Variants in ATG4C observed in about 807,000 individuals in gnomAD.
ATG4C encodes cysteine protease ATG4C.
In ATG4C, 56 loss-of-function variants were observed where a neutral mutation model predicts 57.6. The observed-to-expected ratio is 0.97, with a 90% CI of 0.78 to 1.21. The LOEUF (loss-of-function observed/expected upper bound fraction) is 1.21, where lower values mean the gene tolerates loss of function less well. Among genes scored for constraint, ATG4C ranks in the 50% most tolerant of loss-of-function variants. ATG4C has a pLI of 0.00. For missense variants in ATG4C, 595 were observed against 529.8 expected (o/e 1.12, Z -1.21); for synonymous variants, 157 against 174.1 (o/e 0.90, Z 0.78).
chr1:62,840,853 C>A (rs1176958258), intron 9 of ATG4C, among the ~76,000 whole-genome samples: 9 of 152,118 alleles, frequency 5.9e-5, no homozygotes, highest in African/African-American at 2.2e-4. Context: ...AGCCTGTTCC[C>A]TGAGAAGAAA....
chr1:62,839,097 C>T lies in ATG4C; in HGVS notation c.1090-2331C>T, dbSNP rs544320322. 5.3e-5 allele frequency among the ~76,000 whole-genome samples: 8 copies of T among 152,254 alleles called. No homozygotes were observed. The South Asian group carries it at 1.7e-3, about 32-fold the overall frequency. ...TTCTAGAGATGGAGTTTTGTTCTGT[C>T]ACCCAGGCTGGAGTGCAGTGGCACC... On this transcript the variant is annotated intron_variant, in intron 9 of 10. Coordinates refer to ENST00000317868, the MANE Select transcript of ATG4C (RefSeq NM_032852.4).
intron 10 of ATG4C, among the ~76,000 whole-genome samples, chr1:62,843,815 T>C (rs1421515648): frequency 6.6e-6 from 1 of 152,186 alleles, no homozygotes; most frequent in East Asian, 1.9e-4. Flanking sequence ...CAAGTAACGT[T>C]TATACTTCAG....
At chr1:62,824,182 T>A (rs896263787) in intron 6 of ATG4C, among the ~76,000 whole-genome samples, 4 of 152,138 alleles carry the variant, frequency 2.6e-5, no homozygotes, top group Non-Finnish European at 4.4e-5. Flanking sequence ...GGCTAGACAG[T>A]GTTTGAAGTC....
At chr1:62,807,039 T>C (rs1664904005) in intron 3 of ATG4C, among the ~76,000 whole-genome samples, 1 of 152,202 alleles carries the variant, frequency 6.6e-6, no homozygotes, top group Non-Finnish European at 1.5e-5. Context: ...AGCAATGAAA[T>C]GAAAAATTTC....
chr1:62,829,598 A>G (rs1453298566), intron 7 of ATG4C, among the ~76,000 whole-genome samples: 1 of 152,146 alleles, frequency 6.6e-6, no homozygotes, highest in Non-Finnish European at 1.5e-5. Flanking sequence ...CATGATGTCA[A>G]TAAGAGATGA....
chr1:62,797,678 G>A (rs976204984), intron 1 of ATG4C, among the ~76,000 whole-genome samples: 1 of 151,764 alleles, frequency 6.6e-6, no homozygotes, highest in Non-Finnish European at 1.5e-5. Context: ...TATGTAATTG[G>A]TAATTGGTAT....
chr1:62,850,856 A>ATATATATATGTGTGTATGTG (rs1666491339), intron 10 of ATG4C, among the ~76,000 whole-genome samples: 1 of 41,192 alleles, frequency 2.4e-5, no homozygotes, highest in Non-Finnish European at 4.5e-5. Flanking sequence ...GTATGTATGT[A>ATATATATATGTGTGTATGTG]TATATATATA....
chr1:62,812,454 T>C (rs889953322), intron 3 of ATG4C, among the ~76,000 whole-genome samples: 2 of 152,102 alleles, frequency 1.3e-5, no homozygotes, highest in Non-Finnish European at 2.9e-5. Flanking sequence ...ATAAACTAGG[T>C]ATTGATGGAA....
chr1:62,837,340 G>A (rs1175127694), intron 9 of ATG4C, among the ~76,000 whole-genome samples: 7 of 152,110 alleles, frequency 4.6e-5, no homozygotes, highest in African/African-American at 1.7e-4. Context: ...GATATCTTTG[G>A]TTAGGACTGA....
Position 62,857,795 on chromosome 1 carries a change from A to G in ATG4C, c.1210-6197A>G, listed in dbSNP as rs549039836. On this transcript the variant is annotated intron_variant, in intron 10 of 10. Coordinates refer to ENST00000317868, the MANE Select transcript of ATG4C (RefSeq NM_032852.4). Reference sequence around the variant, plus strand: ...ACCATTGGTTATCTGTTCAATACTCATCCCTCTTTCTTTTTTGCTAAAGAA... The same window carrying G: ...ACCATTGGTTATCTGTTCAATACTCGTCCCTCTTTCTTTTTTGCTAAAGAA... Among the ~76,000 whole-genome samples, 6 of 152,262 alleles carry G rather than the reference A, an allele frequency of 3.9e-5. No homozygotes were observed. In the East Asian group the frequency reaches 7.7e-4, roughly 20 times the overall value.
chr1:62,832,519 CATTCCTGCAAGT>C (rs1478990878), intron 7 of ATG4C, among the ~76,000 whole-genome samples: 1 of 152,090 alleles, frequency 6.6e-6, no homozygotes, highest in African/African-American at 2.4e-5. Context: ...AGAGAGAAAC[CATTCCTGCAAGT>C]CCTTTTTATA....
At chr1:62,854,523 C>T (rs1479148815) in intron 10 of ATG4C, among the ~76,000 whole-genome samples, 1 of 152,042 alleles carries the variant, frequency 6.6e-6, no homozygotes, top group Non-Finnish European at 1.5e-5. Flanking sequence ...GTGATCCTCC[C>T]ACCTCGGCCT....
At chr1:62,814,479 A>G (rs2100310505) in intron 3 of ATG4C, among the ~76,000 whole-genome samples, 1 of 152,280 alleles carries the variant, frequency 6.6e-6, no homozygotes, top group South Asian at 2.1e-4. Flanking sequence ...TAGCATTAGG[A>G]GAAATACCTA....
At chr1:62,844,351 G>A (rs1169722878) in intron 10 of ATG4C, among the ~76,000 whole-genome samples, 13 of 152,290 alleles carry the variant, frequency 8.5e-5, no homozygotes. Context: ...CATATTAAAT[G>A]TGTGACTTAT....
In ATG4C at chr1:62,828,993, A is replaced by T. The variant is rs1378359624; in HGVS notation, c.797-47A>T. 4 of 1,523,746 alleles carry T rather than the reference A, an allele frequency of 2.6e-6. No individual in the cohort carries two copies. The East Asian group carries it at 9.6e-5, about 37-fold the overall frequency. The allele number at this position is 1,523,746 out of a possible 1,614,324, so 94.4% of individuals were successfully genotyped here. On this transcript the variant is annotated intron_variant, in intron 6 of 10. Transcript: ENST00000317868. ...AATTTGGGTAAAAATATTTCTGAAA[A>T]TCGCTTTTATATAAAATTTAATACA... is the stretch of plus-strand genomic sequence containing the variant.
chr1:62,858,556 A>G (rs1230179992), intron 10 of ATG4C, among the ~76,000 whole-genome samples: 1 of 152,214 alleles, frequency 6.6e-6, no homozygotes, highest in Non-Finnish European at 1.5e-5. Flanking sequence ...GTTGATTTTT[A>G]TCTGCATTTT....
chr1:62,819,501 C>A (rs540728431), intron 5 of ATG4C, among the ~76,000 whole-genome samples, 166 bp downstream of exon 5: 5 of 152,062 alleles, frequency 3.3e-5, no homozygotes, highest in African/African-American at 1.2e-4. Flanking sequence ...AGACATATTG[C>A]GACTCTAGTT....
At chr1:62,821,099 A>G (rs1665466031) in intron 5 of ATG4C, 40 bp from the exon 6 acceptor site, 3 of 1,483,944 alleles carry the variant, frequency 2.0e-6, no homozygotes, top group Non-Finnish European at 2.7e-6. Flanking sequence ...CCAATAGGAA[A>G]TGTTAGGATT....
rs532789836 is a variant in ATG4C at position 62,865,315 on chromosome 1, G to A, written c.*1156G>A. On this transcript the variant is annotated 3_prime_UTR_variant, in exon 11 of 11. Transcript: ENST00000317868. ...AGCTTTCATGTTTCAGTGTAGAAAC[G>A]TGACTTATAAAGACATAAAATTGTG... 11 of 151,888 alleles carry A rather than the reference G, an allele frequency of 7.2e-5. No homozygotes were observed. In the South Asian group the frequency reaches 1.9e-3, roughly 26 times the overall value. 9.4% of individuals were successfully genotyped at this position (151,888 alleles called of 1,614,324 possible).
Sources: allele counts gnomAD v4.1 joint callset (sites outside exome capture counted in the v4.1 genomes callset), GRCh38; gene constraint gnomAD v4.1.1; transcripts MANE v1.5; gene names NCBI Gene and HGNC (gene_info 2026-07-23, HGNC 2026-07-21).